The following DSC3 variants were observed in gnomAD, a reference collection of about 807,000 sequenced individuals.
DSC3 encodes desmocollin-3.
Under a neutral mutation model 89.5 loss-of-function variants are expected in DSC3, and 97 were observed. The observed-to-expected ratio is 1.08, with a 90% confidence interval of 0.92 to 1.28. The LOEUF (loss-of-function observed/expected upper bound fraction) is 1.28, where lower values mean the gene tolerates loss of function less well. Ranked by LOEUF, DSC3 falls within the 50% of genes most tolerant of loss-of-function variation. The pLI, the probability that DSC3 is intolerant of heterozygous loss-of-function variation, is 0.00. For synonymous variants in DSC3, 436 were observed against 384.1 expected (o/e 1.14, Z -1.58); for missense variants, 1,199 against 1,085.3 (o/e 1.10, Z -1.47).
chr18:31,042,348 T>C (rs1986161054), intron 1 of DSC3, among the ~76,000 whole-genome samples: 1 of 152,144 alleles, frequency 6.6e-6, no homozygotes. Flanking sequence ...TGAGCGCGAC[T>C]CAGAATTCCA....
chr18:31,000,493 T>A (rs1984616060), intron 14 of DSC3, among the ~76,000 whole-genome samples: 1 of 152,190 alleles, frequency 6.6e-6, no homozygotes, highest in African/African-American at 2.4e-5. Context: ...GGCTCTCCTT[T>A]ACCATGAGAA....
intron 15 of DSC3, among the ~76,000 whole-genome samples, chr18:30,996,413 C>A (rs1984467347): frequency 6.6e-6 from 1 of 151,946 alleles, no homozygotes; most frequent in African/African-American, 2.4e-5. Flanking sequence ...AAACTGCATA[C>A]AAATGTTGGT....
chr18:30,994,256 C>T lies in DSC3; in HGVS notation c.2610G>A (p.Lys870=), dbSNP rs114251467. Residue 870 remains lysine (K), a synonymous_variant, in exon 16 of 16, where the codon AAG becomes AAA. Coordinates refer to ENST00000360428, the MANE Select transcript of DSC3 (RefSeq NM_001941.5). Reference sequence around the variant, plus strand: ...AAAAGTCAAGGCCATCTTCTTCCTGCTTTTCACTGCAGCAGCCCACAGAAC... The same window carrying T: ...AAAAGTCAAGGCCATCTTCTTCCTGTTTTTCACTGCAGCAGCCCACAGAAC... The part of the protein sequence containing the change: ...PAGSVGCCSE[K]QEEDGLDFLN... 1.7e-4 allele frequency: 280 copies of T among 1,614,092 alleles called. No homozygotes were observed. In the African/African-American group the frequency reaches 3.2e-3, roughly 19 times the overall value.
In DSC3 at chr18:31,018,174, G is replaced by A; in HGVS notation, c.1160C>T (p.Ala387Val). The change falls in exon 9 of 16, where the codon GCC becomes GTC. Residue 387 changes from alanine (A) to valine (V), a missense_variant. By Grantham distance (64) the Ala-to-Val change is moderately conservative. Transcript: ENST00000360428. ...PIEDKDLINT[A>V]NWRVNFTILK... ...AATGGTAAAATTGACTCTCCAATTGGCAGTGTTAATTAAATCCTTATCTTC... is the reference window on the plus strand; with the variant it reads ...AATGGTAAAATTGACTCTCCAATTGACAGTGTTAATTAAATCCTTATCTTC... The A allele has an allele frequency of 1.2e-6, 2 of 1,611,470 alleles. No homozygotes were observed. The highest frequency in any genetic ancestry group is 1.7e-6 in the Non-Finnish European group (2 of 1,178,462).
intron 1 of DSC3, among the ~76,000 whole-genome samples, chr18:31,035,439 G>A (rs2144737197): frequency 6.6e-6 from 1 of 151,780 alleles, no homozygotes; most frequent in Non-Finnish European, 1.5e-5. Context: ...GAAGTAATAA[G>A]TCATTTGCCC....
chr18:31,041,549 C>T (rs1468725630), intron 1 of DSC3, among the ~76,000 whole-genome samples: 3 of 152,178 alleles, frequency 2.0e-5, no homozygotes, highest in Admixed American at 6.5e-5. Context: ...GGCTCACTGC[C>T]GACGCGGGTA....
At chr18:31,030,257 T>C (rs1985735711) in intron 3 of DSC3, among the ~76,000 whole-genome samples, 1 of 152,192 alleles carries the variant, frequency 6.6e-6, no homozygotes, top group Admixed American at 6.5e-5. Flanking sequence ...AAAAGTTCTA[T>C]TAGACTTTTT....
At chr18:31,008,191 A>G in intron 10 of DSC3, 33 bp from the exon 11 acceptor site, 1 of 1,608,078 alleles carries the variant, frequency 6.2e-7, no homozygotes, top group African/African-American at 1.3e-5. Flanking sequence ...CTTTAGCATC[A>G]GAAAATGTTT....
intron 12 of DSC3, among the ~76,000 whole-genome samples, chr18:31,006,293 T>TATTATTATTATTATTATTATTATC (rs1422542151): frequency 3.3e-5 from 2 of 61,134 alleles, no homozygotes; most frequent in African/African-American, 1.5e-4. Flanking sequence ...ACCTCGCTGG[T>TATTATTATTATTATTATTATTATC]ATTATTATTA....
rs1984480491 is a variant in DSC3, at chr18:30,996,784, A to G, written c.2493+7T>C. On this transcript the variant is annotated splice_region_variant and intron_variant, in intron 15 of 15. Coordinates refer to ENST00000360428, the MANE Select transcript of DSC3 (RefSeq NM_001941.5). ...ATTTTAGACTCAAAACACCTAAGGAAACTCACTTCACCGAGACGGGGTTGA... is the reference window on the plus strand; with the variant it reads ...ATTTTAGACTCAAAACACCTAAGGAGACTCACTTCACCGAGACGGGGTTGA... The G allele has an allele frequency of 6.2e-7, 1 of 1,612,832 alleles. No individual in the cohort carries two copies. Among genetic ancestry groups the G allele is most frequent in the African/African-American group, 1.3e-5 (1 of 74,868 alleles).
rs776850837 is a variant in DSC3, at chr18:31,025,845, G to A, written c.545C>T (p.Pro182Leu). 5.0e-6 allele frequency: 8 copies of A among 1,612,860 alleles called. No homozygotes were observed. Among genetic ancestry groups the A allele is most frequent in the African/African-American group, 4.0e-5 (3 of 74,798 alleles). Reference protein sequence around the residue: ...SISGRGVDKEPLNLFYIERDT... With the variant: ...SISGRGVDKELLNLFYIERDT... ...TCTTTCTATATAAAACAAATTTAAA[G>A]GTTCTTTATCAACTCCACGTCCACT... Residue 182 changes from proline to leucine, a missense_variant, in exon 5 of 16, where the codon CCT (proline) becomes CTT (leucine). Transcript: ENST00000360428.
Position 31,004,340 on chromosome 18 carries a change from T to A in DSC3, c.1915A>T (p.Lys639Ter). 1.9e-6 allele frequency: 3 copies of A among 1,613,930 alleles called. No homozygotes were observed. The highest frequency in any genetic ancestry group is 2.5e-6 in the Non-Finnish European group (3 of 1,179,888). Residue 639 changes from lysine (K) to a stop codon, truncating the protein, a stop_gained, in exon 13 of 16, where the codon AAA becomes TAA. Transcript: ENST00000360428. LOFTEE classifies it high-confidence loss of function. ...GTATATTCTTGAAATCCAGCATTTT[T>A]CTGATATGAAAGACGGGCAGCTGTA... ...NDTAARLSYQ[K>*]NAGFQEYTIP...
At chr18:31,014,832 T>G (rs1043600829) in intron 9 of DSC3, among the ~76,000 whole-genome samples, 1 of 152,104 alleles carries the variant, frequency 6.6e-6, no homozygotes, top group Non-Finnish European at 1.5e-5. Context: ...GGGAACAAAA[T>G]AGACCAGGTT....
chr18:31,015,436 C>T (rs991396973), intron 9 of DSC3, among the ~76,000 whole-genome samples: 1 of 152,060 alleles, frequency 6.6e-6, no homozygotes, highest in Non-Finnish European at 1.5e-5. Context: ...GACAAAAAAA[C>T]ATACAAAAGA....
intron 3 of DSC3, 129 bp downstream of exon 3, chr18:31,030,844 T>C: frequency 1.2e-6 from 1 of 854,856 alleles, no homozygotes; most frequent in Non-Finnish European, 1.9e-6. Context: ...GGAAACGAAG[T>C]GAAAGGAAAG....
intron 9 of DSC3, among the ~76,000 whole-genome samples, chr18:31,010,035 C>T (rs1244525030): frequency 6.6e-6 from 1 of 152,208 alleles, no homozygotes; most frequent in Non-Finnish European, 1.5e-5. Flanking sequence ...TTCAATTTCT[C>T]TTTCTGCTTA....
chr18:31,026,724 T>C (rs1448918361), intron 4 of DSC3, among the ~76,000 whole-genome samples: 1 of 152,104 alleles, frequency 6.6e-6, no homozygotes, highest in African/African-American at 2.4e-5. Flanking sequence ...TCCTTAGTAT[T>C]AGAATTTGTA....
chr18:31,037,497 T>C (rs531092657), intron 1 of DSC3, among the ~76,000 whole-genome samples: 1 of 152,242 alleles, frequency 6.6e-6, no homozygotes, highest in Non-Finnish European at 1.5e-5. Context: ...TGTTTCTAAC[T>C]TAAAGAGAAT....
At chr18:31,010,440 G>A (rs543393148) in intron 9 of DSC3, among the ~76,000 whole-genome samples, 1 of 152,270 alleles carries the variant, frequency 6.6e-6, no homozygotes, top group African/African-American at 2.4e-5. Context: ...ACTCGCTGAA[G>A]CCTTGGAGTT....
Sources: gnomAD v4.1 joint callset for allele counts (sites outside exome capture counted in the v4.1 genomes callset) on GRCh38, gnomAD v4.1.1 for gene constraint, MANE v1.5 for transcripts, NCBI Gene and HGNC (gene_info 2026-07-23, HGNC 2026-07-21) for gene names.